CTNNA3: variants seen among roughly 807,000 people sequenced by gnomAD.
CTNNA3 encodes the protein catenin alpha-3.
A neutral mutation model predicts 95.7 loss-of-function variants in CTNNA3; 76 were observed. The observed-to-expected ratio is 0.79, with a 90% CI of 0.66 to 0.96. CTNNA3 has a LOEUF of 0.96. CTNNA3 is among the 40% of genes least tolerant of loss of function. The probability of loss-of-function intolerance (pLI) is 0.00; values close to 1 mark genes in which losing one functional copy is unlikely to be tolerated. For missense variants in CTNNA3, 1,191 were observed against 1,089.8 expected, an observed-to-expected ratio of 1.09 and a Z score of -1.31; for synonymous variants, 431 against 374.4, an observed-to-expected ratio of 1.15 and a Z score of -1.74.
At chr10:66,473,340 G>C (rs1839201937) in intron 11 of CTNNA3, among the ~76,000 whole-genome samples, 1 of 151,802 alleles carries the variant, frequency 6.6e-6, no homozygotes, top group African/African-American at 2.4e-5. Context: ...GGTTTTATAA[G>C]AGGTTCTTCC....
chr10:67,644,688 T>C (rs1291499445), intron 2 of CTNNA3, among the ~76,000 whole-genome samples: 2 of 151,986 alleles, frequency 1.3e-5, no homozygotes, highest in Non-Finnish European at 2.9e-5. Flanking sequence ...AACAAGAGTG[T>C]ATACAAATAA....
chr10:67,470,097 C>T (rs1407449930), intron 5 of CTNNA3, among the ~76,000 whole-genome samples: 1 of 152,196 alleles, frequency 6.6e-6, no homozygotes, highest in African/African-American at 2.4e-5. Context: ...TGCCACCCTC[C>T]TACTATCCTT....
In CTNNA3 at chr10:66,769,874, T is replaced by C. The variant is rs569497396; in HGVS notation, c.1129-3458A>G. Among the ~76,000 whole-genome samples, 28 of 151,356 alleles carry C rather than the reference T, an allele frequency of 1.8e-4. No individual in the cohort carries two copies. In the South Asian group the frequency reaches 5.2e-3, roughly 28 times the overall value. On this transcript the variant is annotated intron_variant, in intron 8 of 17. Transcript: ENST00000433211. ...TCCTCTTTCCCTGCCTCGCTTTTCATGTTCTATAACACTTGCTTCCAGGAA... is the reference window on the plus strand; with the variant it reads ...TCCTCTTTCCCTGCCTCGCTTTTCACGTTCTATAACACTTGCTTCCAGGAA...
At chr10:67,419,461 C>G (rs1376958244) in intron 5 of CTNNA3, among the ~76,000 whole-genome samples, 1 of 151,650 alleles carries the variant, frequency 6.6e-6, no homozygotes, top group Non-Finnish European at 1.5e-5. Flanking sequence ...CCTCGTCACC[C>G]TGGTAGTGAG....
chr10:67,186,605 G>A (rs533069537), intron 6 of CTNNA3, among the ~76,000 whole-genome samples: 28 of 152,214 alleles, frequency 1.8e-4, no homozygotes, highest in Admixed American at 1.2e-3. Flanking sequence ...AATGTCCTGT[G>A]AAATGGCACT....
intron 16 of CTNNA3, among the ~76,000 whole-genome samples, chr10:65,970,877 AAGTACTTCT>A (rs1564548921): frequency 6.6e-6 from 1 of 151,470 alleles, no homozygotes; most frequent in African/African-American, 2.4e-5. Context: ...TTCATAAAAC[AAGTACTTCT>A]AGATCTACAA....
At chr10:67,762,861 ACC>A (rs1186293320) in intron 1 of CTNNA3, among the ~76,000 whole-genome samples, 1 of 152,104 alleles carries the variant, frequency 6.6e-6, no homozygotes, top group African/African-American at 2.4e-5. Flanking sequence ...CATTCTAATT[ACC>A]GGTGCATGCA....
chr10:66,162,963 G>A (rs777446918), intron 13 of CTNNA3, among the ~76,000 whole-genome samples: 12 of 151,986 alleles, frequency 7.9e-5, no homozygotes, highest in Non-Finnish European at 1.3e-4. Flanking sequence ...TGCCTCTGTT[G>A]AGTCATGCAG....
rs148696861 is a variant in CTNNA3, at chr10:66,893,312, A to G, written c.1048-117788T>C. On this transcript the variant is annotated intron_variant, in intron 7 of 17. Transcript: ENST00000433211. ...ACTGATTAACCGCTTACATAAAAGA[A>G]TAACTAAATAAACTAACAAGTGATC... Among the ~76,000 whole-genome samples, 658 of 152,222 alleles carry G rather than the reference A, an allele frequency of 4.3e-3. 3 individuals are homozygous for G. The highest frequency in any genetic ancestry group is 0.015 in the African/African-American group (628 of 41,564).
At chr10:66,504,020 A>T (rs1336388843) in intron 11 of CTNNA3, among the ~76,000 whole-genome samples, 2 of 152,216 alleles carry the variant, frequency 1.3e-5, no homozygotes, top group African/African-American at 4.8e-5. Context: ...GCGAATTAAC[A>T]TATACATCAC....
chr10:66,464,510 C>T (rs184161136), intron 11 of CTNNA3, among the ~76,000 whole-genome samples: 1 of 152,180 alleles, frequency 6.6e-6, no homozygotes, highest in African/African-American at 2.4e-5. Context: ...CACCTATAAT[C>T]GCAGCACTTT....
intron 10 of CTNNA3, among the ~76,000 whole-genome samples, chr10:66,597,722 C>T (rs573173153): frequency 1.3e-5 from 2 of 151,138 alleles, no homozygotes; most frequent in South Asian, 4.2e-4. Context: ...GGATGATATA[C>T]TCCAGGTACT....
At chr10:66,601,332 G>A (rs978682734) in intron 10 of CTNNA3, among the ~76,000 whole-genome samples, 2 of 151,860 alleles carry the variant, frequency 1.3e-5, no homozygotes, top group Non-Finnish European at 2.9e-5. Context: ...CCTCCATTAG[G>A]CAAAAAGTAG....
At chr10:67,680,883 G>C (rs1564825913) in intron 1 of CTNNA3, among the ~76,000 whole-genome samples, 1 of 152,126 alleles carries the variant, frequency 6.6e-6, no homozygotes, top group Admixed American at 6.5e-5. Flanking sequence ...TATTAGCTGT[G>C]TATCAACCAC....
intron 11 of CTNNA3, among the ~76,000 whole-genome samples, chr10:66,427,344 C>G (rs1452157125): frequency 6.6e-6 from 1 of 151,786 alleles, no homozygotes; most frequent in African/African-American, 2.4e-5. Flanking sequence ...TATATGGACT[C>G]ACAGTACTAT....
rs140847161 is a variant in CTNNA3, at chr10:65,912,575, G to T, written c.*7755C>A. 6.6e-6 allele frequency: 1 copy of T among 152,050 alleles called. No individual in the cohort carries two copies. The highest frequency in any genetic ancestry group is 2.4e-5 in the African/African-American group (1 of 41,494). 9.4% of individuals were successfully genotyped at this position (152,050 alleles called of 1,614,324 possible). A position where few individuals can be genotyped will look rare whatever the true frequency, so the allele number is the denominator to read the frequency against. ...GCTTTAACACACATTTTAATTTTCA[G>T]TTGAACAAATTCTTAATGAGCTACA... On this transcript the variant is annotated 3_prime_UTR_variant, in exon 18 of 18. Transcript: ENST00000433211.
chr10:66,840,119 T>C (rs569844381), intron 7 of CTNNA3, among the ~76,000 whole-genome samples: 65 of 152,254 alleles, frequency 4.3e-4, no homozygotes, highest in African/African-American at 1.5e-3. Flanking sequence ...ACATTCTGGC[T>C]GCAATATTAT....
chr10:67,688,858 G>A (rs7076843), intron 1 of CTNNA3, among the ~76,000 whole-genome samples: 17,776 of 152,016 alleles, frequency 0.12, 1,229 homozygotes, highest in Non-Finnish European at 0.16. Flanking sequence ...AACCCGCAAC[G>A]GTCCCTGGAC....
rs1381348108 is a variant in CTNNA3 at position 67,303,504 on chromosome 10, T to A, written c.580-83634A>T. On this transcript the variant is annotated intron_variant, in intron 5 of 17. Coordinates refer to ENST00000433211, the MANE Select transcript of CTNNA3 (RefSeq NM_013266.4). ...GATCCGGCATGCAGGCCTAATTTGC[T>A]TTTGTTAACACACCCAAGTTTTGAT... Among the ~76,000 whole-genome samples, 3 of 152,220 alleles carry A rather than the reference T, an allele frequency of 2.0e-5. No individual in the cohort carries two copies. The East Asian group carries it at 5.8e-4, about 29-fold the overall frequency.
Sources: gnomAD v4.1 joint callset for allele counts (sites outside exome capture counted in the v4.1 genomes callset) on GRCh38, gnomAD v4.1.1 for gene constraint, MANE v1.5 for transcripts, NCBI Gene and HGNC (gene_info 2026-07-23, HGNC 2026-07-21) for gene names.